The following UXS1 variants were observed in gnomAD, a reference collection of about 807,000 sequenced individuals.
UXS1 encodes the protein UDP-glucuronic acid decarboxylase 1.
In UXS1, 33 loss-of-function variants were observed where a neutral mutation model predicts 62.6. That is an observed-to-expected ratio of 0.53 (90% CI 0.40 to 0.70). The LOEUF (loss-of-function observed/expected upper bound fraction) is 0.70, where lower values mean the gene tolerates loss of function less well. Among genes scored for constraint, UXS1 ranks in the 30% least tolerant of loss-of-function variants. UXS1 has a pLI of 0.00. For missense variants in UXS1, 434 were observed against 556.3 expected (o/e 0.78, Z 2.21); for synonymous variants, 213 against 206.8 (o/e 1.03, Z -0.26).
At chr2:106,125,468 G>A (rs1429713242) in intron 8 of UXS1, among the ~76,000 whole-genome samples, 152 bp downstream of exon 8, 1 of 152,200 alleles carries the variant, frequency 6.6e-6, no homozygotes, top group African/African-American at 2.4e-5. Flanking sequence ...GAGGAGCTTG[G>A]CGACCCGGGA....
chr2:106,125,429 T>TC (rs1679850458), intron 8 of UXS1, among the ~76,000 whole-genome samples, 191 bp downstream of exon 8: 1 of 152,140 alleles, frequency 6.6e-6, no homozygotes, highest in African/African-American at 2.4e-5. Context: ...TGATGTGTGA[T>TC]CAAACAAGAG....
chr2:106,170,279 C>A (rs566774285), intron 1 of UXS1, among the ~76,000 whole-genome samples: 2 of 152,302 alleles, frequency 1.3e-5, no homozygotes, highest in South Asian at 4.1e-4. Flanking sequence ...ATCTGAGCAT[C>A]TGATTCTCCA....
chr2:106,144,804 ACT>A (rs1681426808), intron 6 of UXS1, among the ~76,000 whole-genome samples: 2 of 151,976 alleles, frequency 1.3e-5, no homozygotes, highest in Non-Finnish European at 1.5e-5. Context: ...ATTTGTGACG[ACT>A]CTGTCTCCAT....
intron 1 of UXS1, among the ~76,000 whole-genome samples, chr2:106,193,055 C>T (rs1002760715): frequency 6.6e-6 from 1 of 152,174 alleles, no homozygotes; most frequent in African/African-American, 2.4e-5. Flanking sequence ...CCTGAAACCT[C>T]CCCTAGCAAC....
At chr2:106,114,260 G>A (rs1678884322) in intron 9 of UXS1, among the ~76,000 whole-genome samples, 1 of 152,182 alleles carries the variant, frequency 6.6e-6, no homozygotes, top group South Asian at 2.1e-4. Flanking sequence ...AGAAGCCAGA[G>A]TGCTTTATTT....
chr2:106,125,443 C>T (rs532865903), intron 8 of UXS1, among the ~76,000 whole-genome samples, 177 bp downstream of exon 8: 100 of 152,334 alleles, frequency 6.6e-4, no homozygotes, highest in African/African-American at 2.3e-3. Context: ...ACAAGAGAGG[C>T]TGTCCCACAA....
intron 1 of UXS1, among the ~76,000 whole-genome samples, chr2:106,193,469 G>C (rs1685063013): frequency 6.6e-6 from 1 of 152,000 alleles, no homozygotes; most frequent in African/African-American, 2.4e-5. Context: ...TGCTGTGAGC[G>C]ATGACAGAAA....
chr2:106,153,589 C>T (rs1289228044), intron 5 of UXS1, among the ~76,000 whole-genome samples: 3 of 152,056 alleles, frequency 2.0e-5, no homozygotes, highest in South Asian at 2.1e-4. Flanking sequence ...GGGATGAGGG[C>T]ACAGTATCCA....
chr2:106,176,974 A>G (rs917301816), intron 1 of UXS1, among the ~76,000 whole-genome samples: 1 of 152,198 alleles, frequency 6.6e-6, no homozygotes, highest in African/African-American at 2.4e-5. Flanking sequence ...GGCTTACCCA[A>G]TAAAATCCTA....
chr2:106,191,458 C>T (rs376497760), intron 1 of UXS1, among the ~76,000 whole-genome samples: 116 of 152,334 alleles, frequency 7.6e-4, no homozygotes, highest in Admixed American at 2.5e-3. Context: ...AGCCCTGTAA[C>T]ATTTTTCCCT....
intron 6 of UXS1, among the ~76,000 whole-genome samples, chr2:106,143,191 G>A (rs1461278149): frequency 2.0e-5 from 3 of 151,724 alleles, no homozygotes; most frequent in South Asian, 2.1e-4. Flanking sequence ...GGCGGATCAT[G>A]AGGGCAGGAG....
chr2:106,157,971 C>T (rs1558736119), intron 5 of UXS1, 87 bp downstream of exon 5: 10 of 1,159,536 alleles, frequency 8.6e-6, no homozygotes, highest in Middle Eastern at 5.3e-4. Flanking sequence ...CTTTGAGAAG[C>T]GTGAATTCTA....
rs370651328 is a variant in UXS1 at position 106,144,836 on chromosome 2, G to T, written c.472+354C>A. On this transcript the variant is annotated intron_variant, in intron 6 of 14. Coordinates refer to ENST00000283148, the MANE Select transcript of UXS1 (RefSeq NM_001253875.2). ...CTCCATGAACTCATCACCTCCAAAG[G>T]CCCCACCTCCTAATACCATCACTGT... 9.9e-5 allele frequency among the ~76,000 whole-genome samples: 15 copies of T among 152,136 alleles called. No homozygotes were observed. In the East Asian group the frequency reaches 1.4e-3, roughly 14 times the overall value.
intron 1 of UXS1, chr2:106,166,603 T>C (rs1683226324): frequency 6.5e-6 from 1 of 153,934 alleles, no homozygotes; most frequent in Non-Finnish European, 1.4e-5. Context: ...AAACCTCACA[T>C]GGCTCACACT....
intron 6 of UXS1, among the ~76,000 whole-genome samples, chr2:106,142,512 G>A (rs538172943): frequency 3.9e-5 from 6 of 152,230 alleles, no homozygotes; most frequent in East Asian, 3.9e-4. Context: ...ATTCCACTCT[G>A]GTCTGAGAGG....
chr2:106,123,090 A>T lies in UXS1; in HGVS notation c.639T>A (p.Asp213Glu). ...CCTCACTTTGAGGGTGGACTTCAGG[A>T]TCTACGATGGGAGAAAAGTGAGACT... ...LLASTSEVYG[D>E]PEVHPQSEDY... The change falls in exon 9 of 15, where the codon GAT (aspartate) becomes GAA (glutamate). Residue 213 changes from aspartate to glutamate, a missense_variant and splice_region_variant. This residue lies in a region of UXS1 where 134 missense variants were observed against 251.9 expected (regional missense o/e 0.53). Transcript: ENST00000283148. The T allele has an allele frequency of 4.3e-6, 7 of 1,613,816 alleles. No individual in the cohort carries two copies. Among genetic ancestry groups the T allele is most frequent in the Non-Finnish European group, 5.9e-6 (7 of 1,179,776 alleles).
At chr2:106,167,814 C>A (rs1390953016) in intron 1 of UXS1, among the ~76,000 whole-genome samples, 1 of 152,132 alleles carries the variant, frequency 6.6e-6, no homozygotes, top group Non-Finnish European at 1.5e-5. Context: ...GGGCTACATT[C>A]CCAGACTGTT....
intron 8 of UXS1, among the ~76,000 whole-genome samples, chr2:106,123,365 C>A (rs1009064360): frequency 1.3e-5 from 2 of 151,536 alleles, no homozygotes; most frequent in Admixed American, 1.3e-4. Flanking sequence ...GTAAATTGTT[C>A]TTAACTTTCA....
intron 1 of UXS1, among the ~76,000 whole-genome samples, chr2:106,181,708 T>G (rs1401803750): frequency 6.6e-6 from 1 of 152,074 alleles, no homozygotes; most frequent in Non-Finnish European, 1.5e-5. Flanking sequence ...AGAGTGAGAC[T>G]CCATCTCAAA....
Sources: allele counts gnomAD v4.1 joint callset (sites outside exome capture counted in the v4.1 genomes callset), GRCh38; gene constraint gnomAD v4.1.1; regional missense constraint gnomAD v4.1.1; transcripts MANE v1.5; gene names NCBI Gene and HGNC (gene_info 2026-07-23, HGNC 2026-07-21).